The following NR6A1 variants were observed in gnomAD, a reference collection of about 807,000 sequenced individuals.
NR6A1 encodes the protein nuclear receptor subfamily 6 group A member 1, also known as retinoic acid receptor-related testis-associated receptor.
NR6A1 carries 7 observed loss-of-function variants against 59.1 expected under a neutral mutation model. The observed-to-expected ratio is 0.12, with a 90% confidence interval of 0.07 to 0.22. The LOEUF is 0.22. Ranked by LOEUF, NR6A1 falls within the 10% of genes least tolerant of loss-of-function variation. The pLI, the probability that NR6A1 is intolerant of heterozygous loss-of-function variation, is 1.00. For missense variants in NR6A1, 468 were observed against 611.6 expected (o/e 0.77, Z 2.48); for synonymous variants, 243 against 236.1 (o/e 1.03, Z -0.27).
chr9:124,557,000 T>A (rs993720876), intron 2 of NR6A1, among the ~76,000 whole-genome samples: 1 of 152,070 alleles, frequency 6.6e-6, no homozygotes, highest in Non-Finnish European at 1.5e-5. Context: ...ACGACAGATA[T>A]GGAAAGACTG....
chr9:124,710,235 T>A (rs955810205), intron 2 of NR6A1, among the ~76,000 whole-genome samples: 1 of 152,146 alleles, frequency 6.6e-6, no homozygotes, highest in Admixed American at 6.5e-5. Flanking sequence ...CTCGATGACA[T>A]AGAACTTCTC....
intron 2 of NR6A1, among the ~76,000 whole-genome samples, chr9:124,580,199 T>C (rs1418475492): frequency 1.3e-5 from 2 of 152,172 alleles, no homozygotes; most frequent in African/African-American, 2.4e-5. Flanking sequence ...GGTGAATGGA[T>C]CAACAAACAT....
chr9:124,539,978 C>G, intron 5 of NR6A1, 55 bp downstream of exon 5: 1 of 1,500,540 alleles, frequency 6.7e-7, no homozygotes, highest in Non-Finnish European at 8.8e-7. Flanking sequence ...TTCTGTAGCT[C>G]TCCCTTTGGT....
At chr9:124,617,739 G>A (rs1258901726) in intron 2 of NR6A1, among the ~76,000 whole-genome samples, 1 of 152,166 alleles carries the variant, frequency 6.6e-6, no homozygotes, top group Non-Finnish European at 1.5e-5. Context: ...GTGAAGAAAA[G>A]TGATCAGAAG....
At chr9:124,525,284 A>AAAAC (rs1554723994) in intron 8 of NR6A1, among the ~76,000 whole-genome samples, 21 of 137,304 alleles carry the variant, frequency 1.5e-4, no homozygotes, top group Non-Finnish European at 2.5e-4. Flanking sequence ...ATGCTTGTAA[A>AAAAC]ACACACACAC....
chr9:124,703,465 C>T (rs1839028311), intron 2 of NR6A1, among the ~76,000 whole-genome samples: 1 of 151,534 alleles, frequency 6.6e-6, no homozygotes, highest in Admixed American at 6.6e-5. Context: ...ACCTCAGCCT[C>T]CCAAAGTGCT....
At chr9:124,563,127 A>G (rs1279706707) in intron 2 of NR6A1, among the ~76,000 whole-genome samples, 1 of 152,254 alleles carries the variant, frequency 6.6e-6, no homozygotes, top group Admixed American at 6.5e-5. Context: ...AATTTGTTGA[A>G]TGAATGAATG....
chr9:124,543,786 G>A lies in NR6A1; in HGVS notation c.441+16C>T, dbSNP rs373133535. ...GCTTCCAGGACGGACCACAGAGACT[G>A]AGGTCTAGAACTCACCTGGACTGGC... On this transcript the variant is annotated intron_variant, in intron 4 of 9. Transcript: ENST00000487099. 2.2e-5 allele frequency: 36 copies of A among 1,606,148 alleles called. No homozygotes were observed. Among genetic ancestry groups the A allele is most frequent in the Non-Finnish European group, 2.9e-5 (34 of 1,175,934 alleles).
chr9:124,693,550 T>G (rs866223535), intron 2 of NR6A1, among the ~76,000 whole-genome samples: 40 of 152,244 alleles, frequency 2.6e-4, no homozygotes, highest in Middle Eastern at 6.8e-3. Context: ...ACCTCCCAGC[T>G]CCAATGTCAA....
Position 124,748,424 on chromosome 9 carries a change from C to T in NR6A1, c.101-15075G>A, listed in dbSNP as rs1338718309. ...CTAGAAGGATAAACTATAAATCATT[C>T]CTAATCTCTTCCATCCCACTGTAGC... On this transcript the variant is annotated intron_variant, in intron 1 of 9. Coordinates refer to ENST00000487099, the MANE Select transcript of NR6A1 (RefSeq NM_033334.4). Among the ~76,000 whole-genome samples, 5 of 152,222 alleles carry T rather than the reference C, an allele frequency of 3.3e-5. No individual in the cohort carries two copies. In the East Asian group the frequency reaches 7.7e-4, roughly 24 times the overall value.
At chr9:124,634,773 G>A (rs953630633) in intron 2 of NR6A1, among the ~76,000 whole-genome samples, 2 of 152,156 alleles carry the variant, frequency 1.3e-5, no homozygotes, top group Admixed American at 6.5e-5. Flanking sequence ...AATGAGCCGA[G>A]ATCGCGCCAC....
intron 3 of NR6A1, among the ~76,000 whole-genome samples, chr9:124,547,526 T>TA (rs1236956920): frequency 6.6e-6 from 1 of 152,160 alleles, no homozygotes; most frequent in Non-Finnish European, 1.5e-5. Context: ...GAAAGAAACT[T>TA]AAAGTGGAAA....
intron 2 of NR6A1, among the ~76,000 whole-genome samples, chr9:124,655,596 C>G (rs914566223): frequency 1.3e-5 from 2 of 152,098 alleles, no homozygotes; most frequent in Non-Finnish European, 2.9e-5. Context: ...GAAGGGCTCA[C>G]AGTGTAACAG....
intron 1 of NR6A1, among the ~76,000 whole-genome samples, chr9:124,743,601 C>A (rs1425876504): frequency 1.3e-5 from 2 of 152,182 alleles, no homozygotes; most frequent in Non-Finnish European, 2.9e-5. Flanking sequence ...GTTTTTCCGG[C>A]TTCTAGCTTT....
intron 2 of NR6A1, among the ~76,000 whole-genome samples, chr9:124,674,965 T>C (rs896848419): frequency 4.6e-5 from 7 of 152,234 alleles, no homozygotes; most frequent in Non-Finnish European, 8.8e-5. Context: ...CCAACACAGC[T>C]AACCTTTGTG....
chr9:124,721,936 G>A (rs1381215269), intron 2 of NR6A1, among the ~76,000 whole-genome samples: 1 of 152,106 alleles, frequency 6.6e-6, no homozygotes, highest in Non-Finnish European at 1.5e-5. Flanking sequence ...ATCTCTTCAG[G>A]CCTCATAGTT....
chr9:124,686,931 T>C (rs1416923902), intron 2 of NR6A1, among the ~76,000 whole-genome samples: 1 of 152,052 alleles, frequency 6.6e-6, no homozygotes, highest in Non-Finnish European at 1.5e-5. Flanking sequence ...CTTGAAATCC[T>C]GGGCTCAAGC....
At chr9:124,732,552 A>G (rs1263510053) in intron 2 of NR6A1, among the ~76,000 whole-genome samples, 6 of 152,206 alleles carry the variant, frequency 3.9e-5, no homozygotes, top group Admixed American at 2.0e-4. Context: ...ACCGTAAATG[A>G]AAATTAAACT....
Position 124,749,257 on chromosome 9 carries a change from C to A in NR6A1, c.101-15908G>T, listed in dbSNP as rs566148367. Among the ~76,000 whole-genome samples, 5 of 144,392 alleles carry A rather than the reference C, an allele frequency of 3.5e-5. 1 individual carries two copies. In the South Asian group the frequency reaches 1.1e-3, roughly 32 times the overall value. 94.7% of individuals were successfully genotyped at this position (144,392 alleles called of 152,430 possible). On this transcript the variant is annotated intron_variant, in intron 1 of 9. Coordinates refer to ENST00000487099, the MANE Select transcript of NR6A1 (RefSeq NM_033334.4). ...AACCTGGGCAACAAGAGTGAAACTC[C>A]ATTTCAAAAAAAAAAAAAAAGAGTT...
Sources: gnomAD v4.1 joint callset for allele counts (sites outside exome capture counted in the v4.1 genomes callset) on GRCh38, gnomAD v4.1.1 for gene constraint, MANE v1.5 for transcripts, NCBI Gene and HGNC (gene_info 2026-07-23, HGNC 2026-07-21) for gene names.